LAMA4: variants seen among roughly 807,000 people sequenced by gnomAD.
LAMA4 encodes the protein laminin subunit alpha-4.
Under a neutral mutation model 207.1 loss-of-function variants are expected in LAMA4, and 127 were observed. The observed-to-expected ratio is 0.61, with a 90% CI of 0.53 to 0.71. The LOEUF (loss-of-function observed/expected upper bound fraction) is 0.71, where lower values mean the gene tolerates loss of function less well. Ranked by LOEUF, LAMA4 falls within the 30% of genes least tolerant of loss-of-function variation. The pLI is 0.00. For synonymous variants in LAMA4, 761 were observed against 816.0 expected (o/e 0.93, Z 1.15); for missense variants, 2,093 against 2,246.5 (o/e 0.93, Z 1.38).
rs1779733514 is a variant in LAMA4 at position 112,142,143 on chromosome 6, A to C, written c.2643T>G (p.Phe881Leu). Residue 881 changes from phenylalanine to leucine, a missense_variant, in exon 20 of 39, where the codon TTT (phenylalanine) becomes TTG (leucine). Transcript: ENST00000230538. ...CGTTTTTGCTTCCGAGGTACAGGAT[A>C]AACTGATCTGCAGTCTCGGTCAGTT... The part of the protein sequence containing the change: ...RPELTETADQ[F>L]ILYLGSKNAK... The C allele has an allele frequency of 1.2e-6, 2 of 1,613,976 alleles. No individual in the cohort carries two copies. The highest frequency in any genetic ancestry group is 2.2e-5 in the South Asian group (2 of 91,076).
intron 13 of LAMA4, among the ~76,000 whole-genome samples, chr6:112,160,443 AAAAC>A (rs71553355): frequency 0.24 from 36,031 of 151,774 alleles, 4,379 homozygotes; most frequent in East Asian, 0.3. Flanking sequence ...GTCAAAAAAC[AAAAC>A]AAACAAACAA....
intron 11 of LAMA4, among the ~76,000 whole-genome samples, chr6:112,173,738 A>C (rs1303211701): frequency 6.6e-6 from 1 of 152,226 alleles, no homozygotes; most frequent in East Asian, 1.9e-4. Flanking sequence ...GTCTTTCTAC[A>C]GTATCCACAA....
intron 5 of LAMA4, among the ~76,000 whole-genome samples, chr6:112,196,884 GC>G (rs1425792677): frequency 6.6e-6 from 1 of 152,186 alleles, no homozygotes; most frequent in African/African-American, 2.4e-5. Flanking sequence ...CAGATAGTGT[GC>G]TGAGGGAAGA....
At position 112,175,298 on chromosome 6, in the gene LAMA4, G is replaced by C. The variant is rs782734095; in HGVS notation, c.1357+15C>G. 51 of 1,613,242 alleles carry C rather than the reference G, an allele frequency of 3.2e-5. No homozygotes were observed. The highest frequency in any genetic ancestry group is 4.2e-5 in the Non-Finnish European group (50 of 1,179,688). On this transcript the variant is annotated intron_variant, in intron 11 of 38. Transcript: ENST00000230538. Reference sequence around the variant, plus strand: ...CAAACATGTGCTGGGTCAGCTATGAGAGGAATACACCTACGTTCGTAAGCC... The same window carrying C: ...CAAACATGTGCTGGGTCAGCTATGACAGGAATACACCTACGTTCGTAAGCC...
chr6:112,120,267 T>TCTGC lies in LAMA4; in HGVS notation c.4665+12_4665+15dup. 1 of 1,609,230 alleles carries TCTGC rather than the reference T, an allele frequency of 6.2e-7. No individual in the cohort carries two copies. The highest frequency in any genetic ancestry group is 8.5e-7 in the Non-Finnish European group (1 of 1,176,628). ...TAGCTATTTGCTGGTAATGCTGTTC[T>TCTGC]CTGCCTTCAACTTACATCATGCCAC... On this transcript the variant is annotated intron_variant, in intron 33 of 38. Transcript: ENST00000230538.
At chr6:112,235,614 C>T (rs1274628697) in intron 2 of LAMA4, among the ~76,000 whole-genome samples, 1 of 152,148 alleles carries the variant, frequency 6.6e-6, no homozygotes, top group Non-Finnish European at 1.5e-5. Flanking sequence ...ATGATATGGT[C>T]TAGGAATTTT....
At chr6:112,190,960 CTTT>C (rs1783070780) in intron 6 of LAMA4, among the ~76,000 whole-genome samples, 1 of 122,888 alleles carries the variant, frequency 8.1e-6, no homozygotes, top group African/African-American at 3.2e-5. Context: ...TTCTTTCTTT[CTTT>C]CTTTCTTTCT....
chr6:112,107,965 G>T lies in LAMA4; in HGVS notation c.*1472C>A, dbSNP rs1326426006. Among the ~76,000 whole-genome samples, 1 of 152,094 alleles carries T rather than the reference G, an allele frequency of 6.6e-6. No homozygotes were observed. Among genetic ancestry groups the T allele is most frequent in the Non-Finnish European group, 1.5e-5 (1 of 67,976 alleles). On this transcript the variant is annotated 3_prime_UTR_variant, in exon 39 of 39. Transcript: ENST00000230538. ...AAATAATTAACTTTAGCTTATCATG[G>T]TGGCTGGCACTTAGTAAGTCCTCTA...
chr6:112,119,913 C>T (rs1778251060), intron 33 of LAMA4, among the ~76,000 whole-genome samples: 1 of 152,178 alleles, frequency 6.6e-6, no homozygotes, highest in African/African-American at 2.4e-5. Flanking sequence ...GGTATCCTAT[C>T]TTCCTCACTG....
intron 2 of LAMA4, among the ~76,000 whole-genome samples, chr6:112,247,012 A>G (rs946887446): frequency 1.3e-5 from 2 of 152,218 alleles, no homozygotes; most frequent in Non-Finnish European, 2.9e-5. Context: ...AAAGTACTCG[A>G]ATTTATGGAA....
chr6:112,247,652 T>C (rs1562109653), intron 2 of LAMA4, among the ~76,000 whole-genome samples: 2 of 152,236 alleles, frequency 1.3e-5, no homozygotes, highest in East Asian at 3.9e-4. Flanking sequence ...CTAGATTCAC[T>C]CAATTCTTTT....
At chr6:112,146,079 C>G (rs1223344106) in intron 18 of LAMA4, among the ~76,000 whole-genome samples, 1 of 152,136 alleles carries the variant, frequency 6.6e-6, no homozygotes, top group African/African-American at 2.4e-5. Context: ...CACCTGAGGT[C>G]AGGAGGTTGA....
intron 2 of LAMA4, among the ~76,000 whole-genome samples, chr6:112,248,161 T>C (rs1304272531): frequency 1.3e-5 from 2 of 152,182 alleles, no homozygotes; most frequent in East Asian, 1.9e-4. Context: ...GTGATGGTTT[T>C]ATAACAATGT....
At chr6:112,251,135 C>T (rs896945701) in intron 2 of LAMA4, among the ~76,000 whole-genome samples, 2 of 152,186 alleles carry the variant, frequency 1.3e-5, no homozygotes, top group African/African-American at 4.8e-5. Context: ...ACAACTAGTA[C>T]GGAGTTACCC....
intron 6 of LAMA4, among the ~76,000 whole-genome samples, chr6:112,190,319 C>T (rs1320947753): frequency 6.6e-6 from 1 of 152,236 alleles, no homozygotes; most frequent in African/African-American, 2.4e-5. Flanking sequence ...TTCCTTTCTG[C>T]TGTCATTCTC....
At chr6:112,138,731 C>T (rs1452868534) in intron 24 of LAMA4, among the ~76,000 whole-genome samples, 2 of 151,812 alleles carry the variant, frequency 1.3e-5, no homozygotes, top group East Asian at 3.9e-4. Context: ...TGTGTGTGTA[C>T]ATACATATAT....
chr6:112,154,834 A>G lies in LAMA4; in HGVS notation c.2056+17T>C. ...AGCTATAAATTAGAAAGGAGATAGG[A>G]AAGTGAAGATATTTACTAGACTCTG... is the stretch of plus-strand genomic sequence containing the variant. On this transcript the variant is annotated intron_variant, in intron 16 of 38. Transcript: ENST00000230538. 6.8e-7 allele frequency: 1 copy of G among 1,477,476 alleles called. No homozygotes were observed. Among genetic ancestry groups the G allele is most frequent in the Non-Finnish European group, 9.5e-7 (1 of 1,055,252 alleles). The allele number at this position is 1,477,476 out of a possible 1,614,324, so 91.5% of individuals were successfully genotyped here.
At chr6:112,208,601 T>G (rs973965772) in intron 3 of LAMA4, among the ~76,000 whole-genome samples, 9 of 152,332 alleles carry the variant, frequency 5.9e-5, no homozygotes, top group Middle Eastern at 3.4e-3. Context: ...GTTTCCATAT[T>G]ATACTGCTTC....
chr6:112,219,980 G>A (rs572773397), intron 2 of LAMA4, among the ~76,000 whole-genome samples: 117 of 152,188 alleles, frequency 7.7e-4, no homozygotes, highest in African/African-American at 2.7e-3. Context: ...AACATTTCTT[G>A]TTGGACATTT....
Sources: gnomAD v4.1 joint callset for allele counts (sites outside exome capture counted in the v4.1 genomes callset) on GRCh38, gnomAD v4.1.1 for gene constraint, MANE v1.5 for transcripts, NCBI Gene and HGNC (gene_info 2026-07-23, HGNC 2026-07-21) for gene names.